The following AOPEP variants were observed in gnomAD, a reference collection of about 807,000 sequenced individuals.
AOPEP encodes aminopeptidase O (putative).
AOPEP carries 77 observed loss-of-function variants against 98.1 expected under a neutral mutation model. The observed-to-expected ratio is 0.78, with a 90% CI of 0.65 to 0.95. AOPEP has a LOEUF of 0.95. Ranked by LOEUF, AOPEP falls within the 40% of genes least tolerant of loss-of-function variation. The pLI, the probability that AOPEP is intolerant of heterozygous loss-of-function variation, is 0.00. For missense variants in AOPEP, 1,024 were observed against 1,024.7 expected (o/e 1.00, Z 0.01); for synonymous variants, 346 against 365.3 (o/e 0.95, Z 0.60).
intron 3 of AOPEP, among the ~76,000 whole-genome samples, chr9:94,790,241 A>T (rs55791673): frequency 6.6e-6 from 1 of 150,896 alleles, no homozygotes; most frequent in South Asian, 2.1e-4. Context: ...ATCTCGGCTC[A>T]CTGCAACCTC....
At chr9:94,881,134 T>C (rs552755023) in intron 5 of AOPEP, among the ~76,000 whole-genome samples, 1 of 152,318 alleles carries the variant, frequency 6.6e-6, no homozygotes, top group South Asian at 2.1e-4. Flanking sequence ...AATGCTGAGC[T>C]TGGTTGGAAT....
chr9:95,006,110 T>G, intron 13 of AOPEP: 2 of 471,342 alleles, frequency 4.2e-6, no homozygotes, highest in Non-Finnish European at 8.8e-6. Context: ...GAAATTTGTT[T>G]GCCCAAGTTT....
At position 94,975,332 on chromosome 9, in the gene AOPEP, CAGT is replaced by C. The variant is rs991138948; in HGVS notation, c.1917-4032_1917-4030del. Among the ~76,000 whole-genome samples the C allele has an allele frequency of 5.3e-5, 8 of 152,310 alleles. No individual in the cohort carries two copies. In the South Asian group the frequency reaches 1.7e-3, roughly 32 times the overall value. ...TACTCTGTCTATTGTGTCTGGCACA[CAGT>C]AGGTGTTCAATAAGCAGTAGCTTCT... On this transcript the variant is annotated intron_variant, in intron 10 of 16. Transcript: ENST00000375315.
rs745619073 is a variant in AOPEP at position 95,085,424 on chromosome 9, CTTTA to C, written c.*5-1252_*5-1249del. On this transcript the variant is annotated intron_variant, in intron 16 of 16. Transcript: ENST00000375315. ...GGAAGATGCTCACCGGTCACCGTCCCTTTATTTATGCCCAGCGATGACCTCTCTA... is the reference window on the plus strand; with the variant it reads ...GGAAGATGCTCACCGGTCACCGTCCCTTTATGCCCAGCGATGACCTCTCTA... 1.3e-5 allele frequency: 7 copies of C among 530,204 alleles called. No individual in the cohort carries two copies. In the East Asian group the frequency reaches 2.2e-4, roughly 17 times the overall value. The allele number at this position is 530,204 out of a possible 1,614,324, so 32.8% of individuals were successfully genotyped here.
intron 5 of AOPEP, among the ~76,000 whole-genome samples, chr9:94,889,990 C>T (rs2048688515): frequency 6.6e-6 from 1 of 150,962 alleles, no homozygotes; most frequent in African/African-American, 2.4e-5. Flanking sequence ...AGTATCTGTG[C>T]ATATCTTTTG....
chr9:94,902,262 A>C (rs2136255160), intron 5 of AOPEP, among the ~76,000 whole-genome samples: 1 of 152,348 alleles, frequency 6.6e-6, no homozygotes, highest in East Asian at 1.9e-4. Context: ...AATGATGTTC[A>C]GCAGGTGAGA....
chr9:95,111,498 G>A, the AOPEP span: 1 of 1,613,956 alleles, frequency 6.2e-7, no homozygotes, highest in Non-Finnish European at 8.5e-7. Context: ...CCATCACGGG[G>A]GCCGTAGTAG....
At chr9:95,085,916 T>G in intron 16 of AOPEP, 1 of 1,246,808 alleles carries the variant, frequency 8.0e-7, no homozygotes, top group Non-Finnish European at 1.0e-6. Context: ...GTGAACTCTC[T>G]CTTGTATTTG....
intron 5 of AOPEP, among the ~76,000 whole-genome samples, chr9:94,888,293 C>CTGTGTG (rs1465553293): frequency 2.2e-4 from 8 of 35,614 alleles, no homozygotes; most frequent in South Asian, 1.0e-3. Context: ...AAGAACCTTA[C>CTGTGTG]CGTGTGTGTG....
chr9:94,825,682 A>G (rs1564202705), intron 5 of AOPEP, among the ~76,000 whole-genome samples: 1 of 152,200 alleles, frequency 6.6e-6, no homozygotes, highest in Non-Finnish European at 1.5e-5. Flanking sequence ...TGGAGAGTTA[A>G]TAGGGTTCTT....
At position 94,825,925 on chromosome 9, in the gene AOPEP, A is replaced by G. The variant is rs1854423178; in HGVS notation, c.1364+24923A>G. ...AAAAGTATTTTTAAAAGGATAATTA[A>G]AAAATTCTGTTTAGCTGTTTATAAC... On this transcript the variant is annotated intron_variant, in intron 5 of 16. Coordinates refer to ENST00000375315, the MANE Select transcript of AOPEP (RefSeq NM_001193329.3). Among the ~76,000 whole-genome samples the G allele has an allele frequency of 2.0e-5, 3 of 152,334 alleles. 1 individual carries two copies. The highest frequency in any genetic ancestry group is 4.1e-4 in the South Asian group (2 of 4,828).
chr9:95,135,605 T>G, the AOPEP span: 3 of 942,482 alleles, frequency 3.2e-6, no homozygotes, highest in Non-Finnish European at 5.0e-6. Context: ...TTGTGAGACT[T>G]CTCATCATGG....
intron 13 of AOPEP, among the ~76,000 whole-genome samples, chr9:95,014,229 G>T (rs1371953309): frequency 6.6e-6 from 1 of 152,134 alleles, no homozygotes; most frequent in Non-Finnish European, 1.5e-5. Flanking sequence ...TACTTTGGGA[G>T]GCCAGGGTGG....
intron 11 of AOPEP, among the ~76,000 whole-genome samples, chr9:94,985,707 TGGTATACTA>T (rs1222549371): frequency 6.6e-6 from 1 of 152,226 alleles, no homozygotes; most frequent in African/African-American, 2.4e-5. Context: ...TGCCATAATG[TGGTATACTA>T]TTTGGGCTGC....
intron 7 of AOPEP, among the ~76,000 whole-genome samples, chr9:94,951,045 G>T (rs971840773): frequency 1.1e-4 from 16 of 152,244 alleles, no homozygotes; most frequent in Admixed American, 7.8e-4. Context: ...AAGGCGTGGG[G>T]AAGGGAAAGG....
At chr9:94,742,938 C>T (rs1833496460) in intron 1 of AOPEP, among the ~76,000 whole-genome samples, 1 of 151,932 alleles carries the variant, frequency 6.6e-6, no homozygotes, top group African/African-American at 2.4e-5. Flanking sequence ...ATGTAGAGAT[C>T]AGAGCTGGAT....
chr9:94,821,970 A>AACACAC (rs34645632), intron 5 of AOPEP, among the ~76,000 whole-genome samples: 2,740 of 141,402 alleles, frequency 0.019, 50 homozygotes, highest in South Asian at 0.055. Context: ...TGTGTGTGTA[A>AACACAC]ACACACACAC....
intron 14 of AOPEP, among the ~76,000 whole-genome samples, chr9:95,075,853 C>T (rs1438332186): frequency 6.6e-6 from 1 of 152,162 alleles, no homozygotes; most frequent in East Asian, 1.9e-4. Context: ...TCTGGATGAC[C>T]GAACGACACC....
intron 14 of AOPEP, among the ~76,000 whole-genome samples, chr9:95,070,464 G>A (rs1174722814): frequency 2.0e-5 from 3 of 152,186 alleles, no homozygotes; most frequent in Non-Finnish European, 2.9e-5. Context: ...AAAAATAAAG[G>A]GGAGTGCTTC....
Sources: gnomAD v4.1 joint callset for allele counts (sites outside exome capture counted in the v4.1 genomes callset) on GRCh38, gnomAD v4.1.1 for gene constraint, MANE v1.5 for transcripts, NCBI Gene and HGNC (gene_info 2026-07-23, HGNC 2026-07-21) for gene names.